CNKSR2: variants seen among roughly 807,000 people sequenced by gnomAD.
The protein encoded by CNKSR2 is CNK homolog protein 2.
CNKSR2 carries 14 observed loss-of-function variants against 84.4 expected under a neutral mutation model. The ratio of observed to expected loss-of-function variants is 0.17; its 90% CI spans 0.11 to 0.26. CNKSR2 has a LOEUF of 0.26. Among genes scored for constraint, CNKSR2 ranks in the 10% least tolerant of loss-of-function variants. The probability of loss-of-function intolerance (pLI) is 1.00; values close to 1 mark genes in which losing one functional copy is unlikely to be tolerated. For synonymous variants in CNKSR2, 275 were observed against 277.9 expected, an observed-to-expected ratio of 0.99 and a Z score of 0.10; for missense variants, 485 against 771.2, an observed-to-expected ratio of 0.63 and a Z score of 4.40.
chrX:21,617,738 G>A (rs914341762), intron 20 of CNKSR2, among the ~76,000 whole-genome samples: 10 of 111,192 alleles, frequency 9.0e-5, no homozygotes, highest in South Asian at 7.6e-4. Context: ...GTAAGCAACA[G>A]TCCTGTGAAA....
intron 4 of CNKSR2, among the ~76,000 whole-genome samples, chrX:21,449,416 G>A (rs986324040): frequency 3.7e-5 from 4 of 108,879 alleles, no homozygotes; most frequent in African/African-American, 1.3e-4. Flanking sequence ...ACATAGCACC[G>A]CTAAAAAAAA....
intron 15 of CNKSR2, chrX:21,593,553 A>G (rs1233528808): frequency 1.8e-5 from 2 of 112,124 alleles, no homozygotes; most frequent in Non-Finnish European, 3.8e-5. Context: ...GATCATGAGC[A>G]GAACAAGGGA....
At chrX:21,496,906 A>G (rs1374431449) in intron 6 of CNKSR2, among the ~76,000 whole-genome samples, 2 of 111,336 alleles carry the variant, frequency 1.8e-5, no homozygotes, top group East Asian at 5.6e-4. Context: ...ATTTAAAGTA[A>G]CAATCTTCTT....
intron 1 of CNKSR2, among the ~76,000 whole-genome samples, chrX:21,402,326 A>T (rs938455095): frequency 9.0e-6 from 1 of 111,556 alleles, no homozygotes; most frequent in Admixed American, 9.5e-5. Flanking sequence ...GAATAAATTA[A>T]TATTTTTAAA....
At chrX:21,533,347 A>G (rs1356839773) in intron 11 of CNKSR2, among the ~76,000 whole-genome samples, 1 of 109,941 alleles carries the variant, frequency 9.1e-6, no homozygotes, top group Non-Finnish European at 1.9e-5. Context: ...TTTCTTATTC[A>G]TTCATTCCAC....
chrX:21,549,006 T>G (rs2092057418), intron 11 of CNKSR2, among the ~76,000 whole-genome samples: 1 of 112,499 alleles, frequency 8.9e-6, no homozygotes. Flanking sequence ...CTTTGAAAAC[T>G]GACATAAGAC....
At chrX:21,458,189 G>A (rs903006496) in intron 4 of CNKSR2, among the ~76,000 whole-genome samples, 5 of 112,309 alleles carry the variant, frequency 4.5e-5, no homozygotes, top group African/African-American at 1.6e-4. Flanking sequence ...AGCTGCATTT[G>A]GATATTGAAA....
chrX:21,418,135 TAACA>T (rs920167484), intron 1 of CNKSR2, among the ~76,000 whole-genome samples: 1 of 111,817 alleles, frequency 8.9e-6, no homozygotes, highest in Admixed American at 9.5e-5. Flanking sequence ...CTGTTTGCAC[TAACA>T]AACAAACAAG....
At chrX:21,409,114 G>A (rs2090303729) in intron 1 of CNKSR2, among the ~76,000 whole-genome samples, 1 of 104,601 alleles carries the variant, frequency 9.6e-6, no homozygotes, top group Admixed American at 1.0e-4. Context: ...ATGTAAGAAT[G>A]GAATTCCAAA....
intron 1 of CNKSR2, among the ~76,000 whole-genome samples, chrX:21,387,774 AT>A (rs2089990724): frequency 9.0e-6 from 1 of 111,615 alleles, no homozygotes; most frequent in Non-Finnish European, 1.9e-5. Context: ...TAGTCACATA[AT>A]TTTTTTAAAA....
chrX:21,617,269 A>G (rs1456474951), intron 20 of CNKSR2, among the ~76,000 whole-genome samples: 1 of 111,341 alleles, frequency 9.0e-6, no homozygotes, highest in Non-Finnish European at 1.9e-5. Flanking sequence ...ATAAAAACCT[A>G]TCATTCTCTT....
At chrX:21,443,500 C>T (rs2090813241) in intron 4 of CNKSR2, among the ~76,000 whole-genome samples, 1 of 111,453 alleles carries the variant, frequency 9.0e-6, no homozygotes. Context: ...CCTCTCTAAA[C>T]TGTATTTATT....
At chrX:21,381,812 C>T (rs139914457) in intron 1 of CNKSR2, among the ~76,000 whole-genome samples, 36 of 111,932 alleles carry the variant, frequency 3.2e-4, no homozygotes, top group African/African-American at 1.1e-3. Flanking sequence ...TCACCCTTCA[C>T]GTCTTAGGCT....
intron 13 of CNKSR2, among the ~76,000 whole-genome samples, chrX:21,565,581 G>A (rs2092231092): frequency 9.0e-6 from 1 of 111,219 alleles, no homozygotes; most frequent in Non-Finnish European, 1.9e-5. Context: ...ACTAATTTTT[G>A]ACAGAGGACC....
chrX:21,553,089 C>T (rs1428153578), intron 11 of CNKSR2, among the ~76,000 whole-genome samples: 2 of 111,658 alleles, frequency 1.8e-5, no homozygotes, highest in Non-Finnish European at 3.8e-5. Context: ...TGCTGTAATC[C>T]TCCACTAGTT....
At chrX:21,602,193 C>T (rs1472230021) in intron 18 of CNKSR2, among the ~76,000 whole-genome samples, 8 of 110,920 alleles carry the variant, frequency 7.2e-5, no homozygotes, top group African/African-American at 2.6e-4. Flanking sequence ...GGCTGAAGTG[C>T]GGTGGCGTGA....
Position 21,432,712 on chromosome X carries a change from G to A in CNKSR2, c.329G>A (p.Gly110Asp), listed in dbSNP as rs1260019662. 1 of 1,208,270 alleles carries A rather than the reference G, an allele frequency of 8.3e-7. No homozygotes were observed. The highest frequency in any genetic ancestry group is 1.1e-6 in the Non-Finnish European group (1 of 893,165). ...QNFITGRRRS[G>D]HYDGRTSRKL... ...TTTATAACAGGAAGGAGAAGGAGTG[G>A]CCATTATGATGGGAGGACCAGCCGA... is the stretch of plus-strand genomic sequence containing the variant. Residue 110 changes from glycine to aspartate, a missense_variant, in exon 3 of 22, where the codon GGC becomes GAC. Transcript: ENST00000379510.
intron 18 of CNKSR2, among the ~76,000 whole-genome samples, chrX:21,606,377 T>C (rs2092516968): frequency 8.9e-6 from 1 of 112,084 alleles, no homozygotes; most frequent in Admixed American, 9.5e-5. Context: ...AATGTATGTA[T>C]TGCTTTTCTT....
intron 13 of CNKSR2, among the ~76,000 whole-genome samples, chrX:21,576,602 A>G (rs777258309): frequency 6.0e-4 from 67 of 111,793 alleles, no homozygotes; most frequent in Non-Finnish European, 1.2e-3. Context: ...ACGAACATCT[A>G]GCAAGACTGA....
Sources: gnomAD v4.1 joint callset for allele counts (sites outside exome capture counted in the v4.1 genomes callset) on GRCh38, gnomAD v4.1.1 for gene constraint, MANE v1.5 for transcripts, NCBI Gene and HGNC (gene_info 2026-07-23, HGNC 2026-07-21) for gene names.